The following CSMD1 variants were observed in gnomAD, a reference collection of about 807,000 sequenced individuals.
CSMD1 encodes CUB and sushi domain-containing protein 1.
CSMD1 carries 213 observed loss-of-function variants against 417.5 expected under a neutral mutation model. That is an observed-to-expected ratio of 0.51 (90% CI 0.46 to 0.57). CSMD1 has a LOEUF of 0.57. Among genes scored for constraint, CSMD1 ranks in the 20% least tolerant of loss-of-function variants. The pLI is 0.00. For synonymous variants in CSMD1, 2,862 were observed against 1,736.8 expected (o/e 1.65, Z -16.11); for missense variants, 6,923 against 4,529.7 (o/e 1.53, Z -15.17).
rs138603524 is a variant in CSMD1, at chr8:4,666,067, G to T, written c.86-28509C>A. Among the ~76,000 whole-genome samples, 333 of 152,200 alleles carry T rather than the reference G, an allele frequency of 2.2e-3. 2 individuals carry two copies. The highest frequency in any genetic ancestry group is 7.8e-3 in the African/African-American group (323 of 41,522). On this transcript the variant is annotated intron_variant, in intron 1 of 69. Coordinates refer to ENST00000635120, the MANE Select transcript of CSMD1 (RefSeq NM_033225.6). ...TTAAGCCATAGTAACTGGCACATAG[G>T]ACAATCTCATTTTGCTTCTAGGTAA...
chr8:4,892,574 A>G (rs1342102545), intron 1 of CSMD1, among the ~76,000 whole-genome samples: 1 of 152,138 alleles, frequency 6.6e-6, no homozygotes, highest in Non-Finnish European at 1.5e-5. Flanking sequence ...TTATATTTAA[A>G]AAATCATACA....
At chr8:4,178,840 GAATAA>G (rs1435799899) in intron 3 of CSMD1, among the ~76,000 whole-genome samples, 8 of 152,210 alleles carry the variant, frequency 5.3e-5, no homozygotes, top group Admixed American at 4.6e-4. Context: ...CCTTCAAAGA[GAATAA>G]AATACTTAGA....
At chr8:3,214,419 G>A (rs1208276482) in intron 30 of CSMD1, 78 bp downstream of exon 30, 5 of 1,262,540 alleles carry the variant, frequency 4.0e-6, no homozygotes, top group Admixed American at 2.7e-5. Flanking sequence ...GTGTTGAAAT[G>A]TGAAACCATT....
At chr8:4,662,839 A>C (rs976792393) in intron 1 of CSMD1, among the ~76,000 whole-genome samples, 2 of 152,212 alleles carry the variant, frequency 1.3e-5, no homozygotes, top group Non-Finnish European at 2.9e-5. Context: ...ACATTGTGGC[A>C]GGACACTTGT....
intron 1 of CSMD1, among the ~76,000 whole-genome samples, chr8:4,900,709 G>A (rs751409759): frequency 1.6e-4 from 24 of 152,172 alleles, no homozygotes; most frequent in Non-Finnish European, 2.4e-4. Flanking sequence ...TAGAAAATCT[G>A]CTTCTCTCTT....
chr8:4,856,621 C>A (rs1421743778), intron 1 of CSMD1, among the ~76,000 whole-genome samples: 1 of 145,908 alleles, frequency 6.9e-6, no homozygotes, highest in Non-Finnish European at 1.5e-5. Flanking sequence ...CAATCCTAGT[C>A]TCTGATAAAA....
chr8:3,128,587 T>C (rs769205856), intron 41 of CSMD1: 1 of 291,906 alleles, frequency 3.4e-6, no homozygotes, highest in Non-Finnish European at 6.7e-6. Context: ...GACTTACATA[T>C]CAGAGTTAAG....
At chr8:4,001,864 A>G (rs1375904676) in intron 4 of CSMD1, among the ~76,000 whole-genome samples, 10 of 152,012 alleles carry the variant, frequency 6.6e-5, no homozygotes, top group Admixed American at 6.6e-4. Flanking sequence ...GTCAAATAAA[A>G]TGAAGAAAAA....
intron 1 of CSMD1, among the ~76,000 whole-genome samples, chr8:4,908,949 G>T (rs545234593): frequency 3.9e-5 from 6 of 152,088 alleles, no homozygotes; most frequent in Admixed American, 2.6e-4. Context: ...TCTTCCGAAC[G>T]TGTTTTCCTT....
intron 13 of CSMD1, among the ~76,000 whole-genome samples, chr8:3,409,035 G>A (rs949360853): frequency 6.6e-6 from 1 of 152,106 alleles, no homozygotes; most frequent in South Asian, 2.1e-4. Flanking sequence ...CACCACCCAT[G>A]CTCGCACTGG....
intron 1 of CSMD1, among the ~76,000 whole-genome samples, chr8:4,715,727 C>T (rs1321860643): frequency 6.6e-6 from 1 of 152,130 alleles, no homozygotes; most frequent in Non-Finnish European, 1.5e-5. Flanking sequence ...CACCCTCAGC[C>T]CCTCTCTTTC....
At chr8:4,464,478 G>A (rs375697442) in intron 2 of CSMD1, among the ~76,000 whole-genome samples, 2 of 152,224 alleles carry the variant, frequency 1.3e-5, no homozygotes, top group South Asian at 2.1e-4. Flanking sequence ...AACCACCTAA[G>A]TCAAAGCTTA....
chr8:4,226,057 C>G (rs1801331672), intron 3 of CSMD1, among the ~76,000 whole-genome samples: 1 of 135,918 alleles, frequency 7.4e-6, no homozygotes, highest in Admixed American at 8.0e-5. Context: ...AAGGTTAGAG[C>G]TGACAGGCGG....
Position 4,165,775 on chromosome 8 carries a change from T to C in CSMD1, c.416-133676A>G, listed in dbSNP as rs118092652. On this transcript the variant is annotated intron_variant, in intron 3 of 69. Transcript: ENST00000635120. The stretch of plus-strand genomic sequence containing the variant: ...TCTTCCTGGTCATGCCATGAGGTGT[T>C]AGCTCACGTGTTGTCACTCCAGCCG... 7.6e-4 allele frequency among the ~76,000 whole-genome samples: 115 copies of C among 152,314 alleles called. 1 individual carries two copies. In the East Asian group the frequency reaches 0.02, roughly 27 times the overall value.
At chr8:4,471,108 A>C (rs1428442122) in intron 2 of CSMD1, among the ~76,000 whole-genome samples, 2 of 152,190 alleles carry the variant, frequency 1.3e-5, no homozygotes, top group Non-Finnish European at 2.9e-5. Flanking sequence ...TTTGTGTGAA[A>C]TGTTTAATTT....
At chr8:4,739,728 T>A (rs1810477278) in intron 1 of CSMD1, among the ~76,000 whole-genome samples, 1 of 152,150 alleles carries the variant, frequency 6.6e-6, no homozygotes, top group African/African-American at 2.4e-5. Context: ...GAGCTCGTGG[T>A]GGTACTTTGC....
At chr8:3,648,445 G>T (rs1241874274) in intron 7 of CSMD1, among the ~76,000 whole-genome samples, 3 of 152,234 alleles carry the variant, frequency 2.0e-5, no homozygotes, top group African/African-American at 4.8e-5. Context: ...TTTAATACTG[G>T]AGTACCTACA....
chr8:3,576,882 T>C (rs977520647), intron 9 of CSMD1, among the ~76,000 whole-genome samples: 1 of 152,258 alleles, frequency 6.6e-6, no homozygotes, highest in African/African-American at 2.4e-5. Context: ...GTAATACCTT[T>C]ATGTTGCATT....
At chr8:4,417,980 C>T (rs1797039435) in intron 3 of CSMD1, among the ~76,000 whole-genome samples, 1 of 151,952 alleles carries the variant, frequency 6.6e-6, no homozygotes, top group African/African-American at 2.4e-5. Flanking sequence ...CTTACTCTTC[C>T]ACTTAAGACT....
Sources: allele counts gnomAD v4.1 joint callset (sites outside exome capture counted in the v4.1 genomes callset), GRCh38; gene constraint gnomAD v4.1.1; transcripts MANE v1.5; gene names NCBI Gene and HGNC (gene_info 2026-07-23, HGNC 2026-07-21).